MLXIP: variants seen among roughly 807,000 people sequenced by gnomAD.
MLXIP encodes MLX interacting protein.
A neutral mutation model predicts 87.2 loss-of-function variants in MLXIP; 30 were observed. That is an observed-to-expected ratio of 0.34 (90% confidence interval 0.26 to 0.47). The LOEUF (loss-of-function observed/expected upper bound fraction) is 0.47, where lower values mean the gene tolerates loss of function less well. MLXIP is among the 20% of genes least tolerant of loss of function. The pLI, the probability that MLXIP is intolerant of heterozygous loss-of-function variation, is 1.00. For missense variants in MLXIP, 1,002 were observed against 1,240.1 expected (o/e 0.81, Z 2.88); for synonymous variants, 530 against 514.0 (o/e 1.03, Z -0.42).
At chr12:122,080,755 C>T (rs991319497) in intron 1 of MLXIP, among the ~76,000 whole-genome samples, 1 of 152,198 alleles carries the variant, frequency 6.6e-6, no homozygotes. Flanking sequence ...CAGCCCTGTG[C>T]GCCCTCCAGT....
intron 1 of MLXIP, among the ~76,000 whole-genome samples, chr12:122,103,786 C>T (rs1460792182): frequency 2.0e-5 from 3 of 151,634 alleles, no homozygotes; most frequent in African/African-American, 7.3e-5. Context: ...GCCTTGGCCT[C>T]CCAAAGTGCT....
chr12:122,079,511 C>T (rs1952061350), intron 1 of MLXIP, among the ~76,000 whole-genome samples: 1 of 152,202 alleles, frequency 6.6e-6, no homozygotes, highest in Non-Finnish European at 1.5e-5. Context: ...GCCCTCCCCT[C>T]CAGTGTCCTG....
chr12:122,129,526 T>C lies in MLXIP; in HGVS notation c.697-62T>C. The C allele has an allele frequency of 3.1e-6, 5 of 1,587,350 alleles. No homozygotes were observed. In the South Asian group the frequency reaches 5.7e-5, roughly 18 times the overall value. On this transcript the variant is annotated intron_variant, in intron 4 of 16. Coordinates refer to ENST00000319080, the MANE Select transcript of MLXIP (RefSeq NM_014938.6). ...GCCTCCCTGAGAGTTCTGTATATTC[T>C]AGAGCCCTTGGGCCCTCCTAGGGCC...
At chr12:122,106,802 A>G (rs978244984) in intron 1 of MLXIP, among the ~76,000 whole-genome samples, 2 of 151,830 alleles carry the variant, frequency 1.3e-5, no homozygotes, top group Admixed American at 6.6e-5. Context: ...GGGTTTTACT[A>G]TGTTGGCCAG....
At chr12:122,093,891 ATGTGTGTGTGG>A (rs1952295054) in intron 1 of MLXIP, among the ~76,000 whole-genome samples, 1 of 68,658 alleles carries the variant, frequency 1.5e-5, no homozygotes, top group African/African-American at 6.0e-5. Flanking sequence ...GTGTGTTGGC[ATGTGTGTGTGG>A]TGTGTGTGTG....
intron 1 of MLXIP, among the ~76,000 whole-genome samples, chr12:122,119,175 C>CAAACA (rs146505466): frequency 1.3e-4 from 19 of 151,274 alleles, no homozygotes; most frequent in African/African-American, 2.9e-4. Context: ...CTCAAAAAAA[C>CAAACA]AAACAAAACA....
chr12:122,110,532 C>T (rs1205460237), intron 1 of MLXIP, among the ~76,000 whole-genome samples: 1 of 151,982 alleles, frequency 6.6e-6, no homozygotes, highest in Non-Finnish European at 1.5e-5. Context: ...GGTGATCCAC[C>T]CGCTTCGGCC....
At chr12:122,094,811 GGTGT>G (rs1244286722) in intron 1 of MLXIP, among the ~76,000 whole-genome samples, 5 of 146,034 alleles carry the variant, frequency 3.4e-5, no homozygotes, top group African/African-American at 1.3e-4. Flanking sequence ...GTGGTGTGTT[GGTGT>G]GTGTGTTGGT....
chr12:122,141,595 C>A, intron 16 of MLXIP, 96 bp from the exon 17 acceptor site: 1 of 1,544,328 alleles, frequency 6.5e-7, no homozygotes, highest in South Asian at 1.3e-5. Flanking sequence ...CGCCCCGTGC[C>A]TGAGCATTCC....
At position 122,135,718 on chromosome 12, in the gene MLXIP, GCCTGC is replaced by G; in HGVS notation, c.2032+54_2032+58del. The stretch of plus-strand genomic sequence containing the variant: ...GGGGCATCGCAAGGGAAGTAACTGG[GCCTGC>G]CGTAGACCATGGGGGGTGCTTGCTG... On this transcript the variant is annotated intron_variant, in intron 11 of 16. Coordinates refer to ENST00000319080, the MANE Select transcript of MLXIP (RefSeq NM_014938.6). The surrounding 1 kb of genome is among the most constrained non-coding windows in gnomAD (Gnocchi z 5.3). 1 of 1,449,692 alleles carries G rather than the reference GCCTGC, an allele frequency of 6.9e-7. No homozygotes were observed. Among genetic ancestry groups the G allele is most frequent in the Non-Finnish European group, 9.1e-7 (1 of 1,104,278 alleles). 89.8% of individuals were successfully genotyped at this position (1,449,692 alleles called of 1,614,324 possible). A position where few individuals can be genotyped will look rare whatever the true frequency, so the allele number is the denominator to read the frequency against.
rs1387484552 is a variant in MLXIP at position 122,078,759 on chromosome 12, C to A, written c.-95C>A. The A allele has an allele frequency of 1.0e-6, 1 of 994,464 alleles. No homozygotes were observed. Among genetic ancestry groups the A allele is most frequent in the Non-Finnish European group, 1.2e-6 (1 of 832,932 alleles). The allele number at this position is 994,464 out of a possible 1,614,324, so 61.6% of individuals were successfully genotyped here. A position where few individuals can be genotyped will look rare whatever the true frequency, so the allele number is the denominator to read the frequency against. On this transcript the variant is annotated 5_prime_UTR_variant, in exon 1 of 17. Coordinates refer to ENST00000319080, the MANE Select transcript of MLXIP (RefSeq NM_014938.6). ...GCCGCGCCGCGCGCTCGCGGACAGTCGGCGCGCGGGCCGGGCCGGGCCGGC... is the reference window on the plus strand; with the variant it reads ...GCCGCGCCGCGCGCTCGCGGACAGTAGGCGCGCGGGCCGGGCCGGGCCGGC...
rs566628397 is a variant in MLXIP at position 122,130,173 on chromosome 12, C to T, written c.910+61C>T. On this transcript the variant is annotated intron_variant, in intron 6 of 16. Coordinates refer to ENST00000319080, the MANE Select transcript of MLXIP (RefSeq NM_014938.6). Reference sequence around the variant, plus strand: ...AGCCGCTTCCTTCTCTGCCAGGCCCCCTCTGGGCCAGGGTTCCTTCAGGGC... The same window carrying T: ...AGCCGCTTCCTTCTCTGCCAGGCCCTCTCTGGGCCAGGGTTCCTTCAGGGC... 7.9e-6 allele frequency: 12 copies of T among 1,524,186 alleles called. No homozygotes were observed. The African/African-American group carries it at 1.5e-4, about 19-fold the overall frequency. The allele number at this position is 1,524,186 out of a possible 1,614,324, so 94.4% of individuals were successfully genotyped here.
In MLXIP at chr12:122,078,952, G is replaced by C; in HGVS notation, c.99G>C (p.Ser33=). ...AGGTGTCCGAGGACGACGACGACTC[G>C]GACACGGATGAGCCGTCCCCGCCGC... ...KPQVSEDDDD[S]DTDEPSPPPA... Residue 33 remains serine, a synonymous_variant, in exon 1 of 17, where the codon TCG becomes TCC. Transcript: ENST00000319080. 9.0e-7 allele frequency: 1 copy of C among 1,114,402 alleles called. No homozygotes were observed. The highest frequency in any genetic ancestry group is 1.1e-6 in the Non-Finnish European group (1 of 907,290). The allele number at this position is 1,114,402 out of a possible 1,614,324, so 69.0% of individuals were successfully genotyped here.
At chr12:122,138,764 C>G in intron 14 of MLXIP, 51 bp from the exon 15 acceptor site, 1 of 1,599,112 alleles carries the variant, frequency 6.3e-7, no homozygotes. Flanking sequence ...GTCCCAGGGT[C>G]CTTATTGGCC....
At chr12:122,128,771 G>T in intron 3 of MLXIP, 1 of 196,682 alleles carries the variant, frequency 5.1e-6, no homozygotes, top group South Asian at 1.1e-4. Flanking sequence ...TTTGCCCTTT[G>T]AATGTGGCAG....
At chr12:122,096,819 G>C (rs1415124412) in intron 1 of MLXIP, among the ~76,000 whole-genome samples, 1 of 152,204 alleles carries the variant, frequency 6.6e-6, no homozygotes, top group Non-Finnish European at 1.5e-5. Context: ...TGTTGTGCCT[G>C]AGGTAGGGAG....
intron 1 of MLXIP, among the ~76,000 whole-genome samples, chr12:122,082,562 G>C (rs547475038): frequency 6.6e-6 from 1 of 152,196 alleles, no homozygotes. Flanking sequence ...GGTTATGGCA[G>C]AATTTTAGTT....
chr12:122,139,352 T>G (rs1418574501), intron 15 of MLXIP, among the ~76,000 whole-genome samples: 2 of 152,146 alleles, frequency 1.3e-5, no homozygotes, highest in African/African-American at 2.4e-5. Flanking sequence ...CTCCCTCCAC[T>G]GAGTGGTAGA....
chr12:122,111,540 A>G (rs1023233963), intron 1 of MLXIP, among the ~76,000 whole-genome samples: 1 of 152,222 alleles, frequency 6.6e-6, no homozygotes, highest in Non-Finnish European at 1.5e-5. Context: ...AGTACTGAAT[A>G]TAATGGAAAC....
Sources: allele counts gnomAD v4.1 joint callset (sites outside exome capture counted in the v4.1 genomes callset), GRCh38; gene constraint gnomAD v4.1.1; non-coding constraint Gnocchi (gnomAD v3.1); transcripts MANE v1.5; gene names NCBI Gene and HGNC (gene_info 2026-07-23, HGNC 2026-07-21).